CDK15: variants seen among roughly 807,000 people sequenced by gnomAD.
The protein encoded by CDK15 is cyclin dependent kinase 15.
A neutral mutation model predicts 60.3 loss-of-function variants in CDK15; 62 were observed. The ratio of observed to expected loss-of-function variants is 1.03; its 90% confidence interval spans 0.84 to 1.27. The LOEUF (loss-of-function observed/expected upper bound fraction) is 1.27. Ranked by LOEUF, CDK15 falls within the 50% of genes most tolerant of loss-of-function variation. CDK15 has a pLI of 0.00. For synonymous variants in CDK15, 194 were observed against 195.7 expected (o/e 0.99, Z 0.07); for missense variants, 541 against 527.8 (o/e 1.03, Z -0.25).
At chr2:201,857,829 G>A (rs529484941) in intron 10 of CDK15, among the ~76,000 whole-genome samples, 1 of 152,154 alleles carries the variant, frequency 6.6e-6, no homozygotes, top group South Asian at 2.1e-4. Context: ...AGTTCCTTTT[G>A]AGCCACCCCC....
At chr2:201,874,280 A>G (rs1698990426) in intron 11 of CDK15, among the ~76,000 whole-genome samples, 1 of 152,204 alleles carries the variant, frequency 6.6e-6, no homozygotes, top group African/African-American at 2.4e-5. Flanking sequence ...AAAATAGAAT[A>G]TCTCCATCAT....
At chr2:201,865,020 C>T (rs545447274) in intron 10 of CDK15, among the ~76,000 whole-genome samples, 6 of 152,166 alleles carry the variant, frequency 3.9e-5, no homozygotes, top group African/African-American at 1.2e-4. Flanking sequence ...GGAAGGGAGT[C>T]TTTAGAAGCT....
rs565154540 is a variant in CDK15 at position 201,890,945 on chromosome 2, T to A, written c.*33+18T>A. ...TCTTCCAGGTAAGTGGTTGCAACAG[T>A]GAGGTTCCTTATGGAACAAATTGAA... On this transcript the variant is annotated intron_variant, in intron 13 of 13. Transcript: ENST00000652192. The A allele has an allele frequency of 7.4e-7, 1 of 1,358,822 alleles. No homozygotes were observed. The highest frequency in any genetic ancestry group is 1.4e-5 in the African/African-American group (1 of 69,506). The allele number at this position is 1,358,822 out of a possible 1,614,324, so 84.2% of individuals were successfully genotyped here. A position where few individuals can be genotyped will look rare whatever the true frequency, so the allele number is the denominator to read the frequency against.
chr2:201,840,359 A>C lies in CDK15; in HGVS notation c.851+4596A>C, dbSNP rs1407269750. Among the ~76,000 whole-genome samples, 3 of 152,158 alleles carry C rather than the reference A, an allele frequency of 2.0e-5. No individual in the cohort carries two copies. The East Asian group carries it at 5.8e-4, about 29-fold the overall frequency. The stretch of plus-strand genomic sequence containing the variant: ...TTCTTTATATTATTTTTGTCTTTTT[A>C]ACCTACCAATGAAAGGTGTGTTGAA... On this transcript the variant is annotated intron_variant, in intron 8 of 13. Transcript: ENST00000652192.
chr2:201,857,664 A>G (rs538179960), intron 10 of CDK15, among the ~76,000 whole-genome samples: 1 of 152,324 alleles, frequency 6.6e-6, no homozygotes, highest in Non-Finnish European at 1.5e-5. Context: ...CCTTAGCCAT[A>G]GACATGATGT....
chr2:201,808,110 G>A (rs1431955453), intron 3 of CDK15, among the ~76,000 whole-genome samples, 158 bp downstream of exon 3: 1 of 152,168 alleles, frequency 6.6e-6, no homozygotes, highest in Non-Finnish European at 1.5e-5. Context: ...AACTTAAACA[G>A]CCTTGAAAGA....
At chr2:201,863,725 G>A (rs894214487) in intron 10 of CDK15, among the ~76,000 whole-genome samples, 74 of 152,148 alleles carry the variant, frequency 4.9e-4, no homozygotes, top group African/African-American at 1.4e-3. Flanking sequence ...GTGAAACCCT[G>A]TCTCTACTAA....
chr2:201,829,186 CT>C (rs34149585), intron 6 of CDK15, among the ~76,000 whole-genome samples: 1 of 151,664 alleles, frequency 6.6e-6, no homozygotes. Context: ...GAGGGCAATA[CT>C]TTTTTTTTGA....
intron 8 of CDK15, among the ~76,000 whole-genome samples, chr2:201,841,866 C>A (rs1697400628): frequency 6.6e-6 from 1 of 152,176 alleles, no homozygotes; most frequent in Admixed American, 6.5e-5. Context: ...GACGTCTTTT[C>A]TTCTCTCTCT....
At chr2:201,830,775 A>G (rs956398163) in intron 6 of CDK15, among the ~76,000 whole-genome samples, 1 of 152,214 alleles carries the variant, frequency 6.6e-6, no homozygotes, top group Non-Finnish European at 1.5e-5. Context: ...TCCAAGGGAC[A>G]GGGGTTTTTA....
At chr2:201,877,021 C>T (rs1699104132) in intron 11 of CDK15, among the ~76,000 whole-genome samples, 2 of 152,218 alleles carry the variant, frequency 1.3e-5, no homozygotes, top group South Asian at 4.1e-4. Context: ...TGGTCTTGAA[C>T]TCCTGGGCTC....
In CDK15 at chr2:201,807,544, G is replaced by A; in HGVS notation, c.174G>A (p.Arg58=). Residue 58 remains arginine (R), a synonymous_variant, in exon 2 of 14, where the codon AGG becomes AGA. Coordinates refer to ENST00000652192, the MANE Select transcript of CDK15 (RefSeq NM_001366386.2). ...GTTCCATGACTTCATTTCACCCCAG[G>A]GGACTTCAAGCTGCCCGTGCCCAGA... ...ASCSMTSFHP[R]GLQAARAQKF... The A allele has an allele frequency of 1.9e-6, 3 of 1,614,128 alleles. No homozygotes were observed. Among genetic ancestry groups the A allele is most frequent in the Non-Finnish European group, 2.5e-6 (3 of 1,180,002 alleles).
chr2:201,880,443 A>G (rs140047673), intron 12 of CDK15, among the ~76,000 whole-genome samples: 2 of 152,242 alleles, frequency 1.3e-5, no homozygotes, highest in East Asian at 3.9e-4. Flanking sequence ...ACACATTTAC[A>G]CTCAGAAATT....
chr2:201,860,429 C>G (rs1438373002), intron 10 of CDK15, among the ~76,000 whole-genome samples: 1 of 152,168 alleles, frequency 6.6e-6, no homozygotes, highest in Non-Finnish European at 1.5e-5. Context: ...GATGCTTGTT[C>G]CCATAAAGAA....
chr2:201,862,139 G>C (rs570385427), intron 10 of CDK15, among the ~76,000 whole-genome samples: 1 of 152,210 alleles, frequency 6.6e-6, no homozygotes, highest in Admixed American at 6.5e-5. Context: ...TTTGGTGATG[G>C]GTCCATTCTG....
In CDK15 at chr2:201,885,258, C is replaced by G. The variant is rs147254828; in HGVS notation, c.1198+5091C>G. 2.9e-4 allele frequency among the ~76,000 whole-genome samples: 44 copies of G among 152,234 alleles called. 1 individual carries two copies. Among genetic ancestry groups the G allele is most frequent in the African/African-American group, 1.1e-3 (44 of 41,542 alleles). On this transcript the variant is annotated intron_variant, in intron 12 of 13. Transcript: ENST00000652192. ...CACTCTGAATGCTTCCACGTAATTT[C>G]AAACCTATTCTGTTTATTGGTTTTT...
intron 8 of CDK15, among the ~76,000 whole-genome samples, chr2:201,836,160 A>ATTTATATATTATATATAT (rs1559126410): frequency 9.7e-4 from 23 of 23,802 alleles, no homozygotes; most frequent in Admixed American, 6.4e-3. Context: ...TATTTTATAT[A>ATTTATATATTATATATAT]TTTATATATT....
chr2:201,810,373 CA>C (rs111317908), intron 3 of CDK15, among the ~76,000 whole-genome samples: 7,736 of 138,042 alleles, frequency 0.056, 489 homozygotes, highest in African/African-American at 0.16. Flanking sequence ...TCAAATAGGC[CA>C]AAAAAAAAAA....
intron 12 of CDK15, chr2:201,888,500 G>A (rs1447758882): frequency 3.9e-6 from 6 of 1,534,634 alleles, no homozygotes; most frequent in Non-Finnish European, 5.2e-6. Flanking sequence ...GCCTCGGGAA[G>A]CTAATGAGGA....
Sources: gnomAD v4.1 joint callset for allele counts (sites outside exome capture counted in the v4.1 genomes callset) on GRCh38, gnomAD v4.1.1 for gene constraint, MANE v1.5 for transcripts, NCBI Gene and HGNC (gene_info 2026-07-23, HGNC 2026-07-21) for gene names.